The following MYH10 variants were observed in gnomAD, a reference collection of about 807,000 sequenced individuals.
The protein encoded by MYH10 is myosin heavy chain 10.
MYH10 carries 55 observed loss-of-function variants against 257.8 expected under a neutral mutation model. The observed-to-expected ratio is 0.21, with a 90% CI of 0.17 to 0.27. The LOEUF is 0.27. MYH10 is among the 10% of genes least tolerant of loss of function. The probability of loss-of-function intolerance (pLI) is 1.00; values close to 1 mark genes in which losing one functional copy is unlikely to be tolerated. For missense variants in MYH10, 1,631 were observed against 2,500.6 expected, an observed-to-expected ratio of 0.65 and a Z score of 7.42; for synonymous variants, 854 against 921.7, an observed-to-expected ratio of 0.93 and a Z score of 1.33.
chr17:8,542,555 T>C (rs1458167482), intron 13 of MYH10, among the ~76,000 whole-genome samples: 2 of 152,286 alleles, frequency 1.3e-5, no homozygotes, highest in East Asian at 3.9e-4. Flanking sequence ...AAACTTAATA[T>C]GCTAACTGAA....
chr17:8,550,207 G>A (rs946937504), intron 9 of MYH10, among the ~76,000 whole-genome samples: 55 of 149,980 alleles, frequency 3.7e-4, no homozygotes, highest in African/African-American at 1.2e-3. Context: ...AGTGAGGAGC[G>A]TCTCCACCCG....
At chr17:8,547,026 C>T (rs2082467275) in intron 11 of MYH10, among the ~76,000 whole-genome samples, 1 of 152,114 alleles carries the variant, frequency 6.6e-6, no homozygotes, top group Admixed American at 6.5e-5. Context: ...TCAACTTGGG[C>T]TGGTTCACTC....
At chr17:8,544,030 A>G (rs1003656010) in intron 13 of MYH10, among the ~76,000 whole-genome samples, 1 of 152,172 alleles carries the variant, frequency 6.6e-6, no homozygotes, top group African/African-American at 2.4e-5. Context: ...TTTTAACTTA[A>G]CAATGTATCT....
intron 21 of MYH10, among the ~76,000 whole-genome samples, chr17:8,514,310 C>A (rs1339297015): frequency 6.6e-6 from 1 of 152,158 alleles, no homozygotes; most frequent in African/African-American, 2.4e-5. Flanking sequence ...TTTGATATGT[C>A]ACAGAAGAAA....
intron 30 of MYH10, among the ~76,000 whole-genome samples, chr17:8,498,556 G>A (rs1175812195): frequency 3.9e-5 from 6 of 152,090 alleles, no homozygotes; most frequent in Non-Finnish European, 8.8e-5. Context: ...CTTTAGAAGA[G>A]GTTGCACTAG....
At chr17:8,489,746 C>T (rs1464044868) in intron 35 of MYH10, among the ~76,000 whole-genome samples, 5 of 149,560 alleles carry the variant, frequency 3.3e-5, no homozygotes, top group South Asian at 4.2e-4. Flanking sequence ...CACACACACA[C>T]CCCAAATCCA....
intron 3 of MYH10, among the ~76,000 whole-genome samples, chr17:8,592,063 G>A (rs1044796356): frequency 2.6e-5 from 4 of 152,128 alleles, no homozygotes; most frequent in African/African-American, 4.8e-5. Flanking sequence ...ATTAAAGGGG[G>A]AAAAACTCAC....
At position 8,545,367 on chromosome 17, in the gene MYH10, C is replaced by T; in HGVS notation, c.1431+81G>A. ...CTGTATCCCTGGTGCCTCGTATGTA[C>T]TGGGCACACAGTAAGCCTTCATATT... On this transcript the variant is annotated intron_variant, in intron 13 of 42. Transcript: ENST00000360416. This position sits in a 1 kb window ranked among gnomAD's most constrained non-coding sequence, Gnocchi z 4.7. 6.6e-7 allele frequency: 1 copy of T among 1,505,458 alleles called. No homozygotes were observed. Among genetic ancestry groups the T allele is most frequent in the South Asian group, 1.2e-5 (1 of 84,898 alleles). The allele number at this position is 1,505,458 out of a possible 1,614,324, so 93.3% of individuals were successfully genotyped here.
chr17:8,593,994 G>A (rs1247684514), intron 3 of MYH10, among the ~76,000 whole-genome samples: 3 of 152,162 alleles, frequency 2.0e-5, no homozygotes, highest in African/African-American at 7.2e-5. Context: ...TAGATCAAAG[G>A]AACAGAGAGT....
At position 8,535,456 on chromosome 17, in the gene MYH10, G is replaced by A. The variant is rs1214555450; in HGVS notation, c.1825C>T (p.Leu609=). The change falls in exon 16 of 43, where the codon CTG becomes TTG. Residue 609 remains leucine (L), a synonymous_variant. Coordinates refer to ENST00000360416, the MANE Select transcript of MYH10 (RefSeq NM_001256012.3). This position sits in a 1 kb window ranked among gnomAD's most constrained non-coding sequence, Gnocchi z 4.3. ...AAAAGGGTGGCCACGTTGTCATTCA[G>A]GGGGTCCATATTCTTCATCAGCCAC... ...DEWLMKNMDP[L]NDNVATLLHQ... 3.1e-6 allele frequency: 5 copies of A among 1,614,018 alleles called. No individual in the cohort carries two copies. The East Asian group carries it at 1.1e-4, about 36-fold the overall frequency.
intron 4 of MYH10, among the ~76,000 whole-genome samples, chr17:8,581,467 A>G (rs756519793): frequency 2.6e-5 from 4 of 152,074 alleles, no homozygotes; most frequent in Non-Finnish European, 5.9e-5. Flanking sequence ...ACATGCTTCA[A>G]CGTGTCCTTA....
At chr17:8,514,010 G>A (rs1370397910) in intron 21 of MYH10, 116 bp from the exon 22 acceptor site, 4 of 898,172 alleles carry the variant, frequency 4.5e-6, no homozygotes, top group Non-Finnish European at 5.1e-6. Context: ...GGGAATGATT[G>A]CATCAATCAA....
chr17:8,489,745 A>ACACACACACACACACACC (rs1258993754), intron 35 of MYH10, among the ~76,000 whole-genome samples: 69 of 150,792 alleles, frequency 4.6e-4, no homozygotes, highest in South Asian at 8.4e-4. Flanking sequence ...ACACACACAC[A>ACACACACACACACACACC]CCCCAAATCC....
At chr17:8,556,876 T>A (rs11078758) in intron 7 of MYH10, among the ~76,000 whole-genome samples, 146,901 of 152,334 alleles carry the variant, frequency 0.96, 71,067 homozygotes, top group East Asian at 1. Context: ...GCCCCTGTGC[T>A]AGGATGACAT....
At position 8,490,558 on chromosome 17, in the gene MYH10, C is replaced by G; in HGVS notation, c.4672-6G>C. ...GATTTTTCAAGTTCGTGAACCTAAA[C>G]CACCGAAGCATCAGGAAAGAGTTGA... On this transcript the variant is annotated splice_region_variant and splice_polypyrimidine_tract_variant and intron_variant, in intron 34 of 42. Coordinates refer to ENST00000360416, the MANE Select transcript of MYH10 (RefSeq NM_001256012.3). This position sits in a 1 kb window ranked among gnomAD's most constrained non-coding sequence, Gnocchi z 4.1. The G allele has an allele frequency of 6.2e-7, 1 of 1,613,740 alleles. No homozygotes were observed. Among genetic ancestry groups the G allele is most frequent in the Non-Finnish European group, 8.5e-7 (1 of 1,179,630 alleles).
chr17:8,530,689 A>C lies in MYH10; in HGVS notation c.1895-4T>G. ...GCTCTCTGAATATTCTGAATCTCTAAAGCAGAGAAACAGCAAAAACAGGAC... is the reference window on the plus strand; with the variant it reads ...GCTCTCTGAATATTCTGAATCTCTACAGCAGAGAAACAGCAAAAACAGGAC... On this transcript the variant is annotated splice_region_variant and splice_polypyrimidine_tract_variant and intron_variant, in intron 16 of 42. Coordinates refer to ENST00000360416, the MANE Select transcript of MYH10 (RefSeq NM_001256012.3). The C allele has an allele frequency of 6.5e-7, 1 of 1,547,960 alleles. No homozygotes were observed. The highest frequency in any genetic ancestry group is 8.7e-7 in the Non-Finnish European group (1 of 1,145,674).
chr17:8,492,753 G>A, intron 33 of MYH10, 23 bp downstream of exon 33: 1 of 1,609,578 alleles, frequency 6.2e-7, no homozygotes, highest in Middle Eastern at 1.7e-4. Context: ...CTGCCAGGAG[G>A]AAACGACACG....
At chr17:8,588,089 T>C (rs1451355194) in intron 4 of MYH10, among the ~76,000 whole-genome samples, 1 of 152,142 alleles carries the variant, frequency 6.6e-6, no homozygotes, top group African/African-American at 2.4e-5. Context: ...CTCATGCCCC[T>C]ATGATGGGTC....
intron 7 of MYH10, among the ~76,000 whole-genome samples, chr17:8,566,414 C>A (rs1484896541): frequency 6.6e-6 from 1 of 152,162 alleles, no homozygotes; most frequent in Non-Finnish European, 1.5e-5. Context: ...CTGTCTTTCT[C>A]TTGGATCACT....
Sources: allele counts gnomAD v4.1 joint callset (sites outside exome capture counted in the v4.1 genomes callset), GRCh38; gene constraint gnomAD v4.1.1; non-coding constraint Gnocchi (gnomAD v3.1); transcripts MANE v1.5; gene names NCBI Gene and HGNC (gene_info 2026-07-23, HGNC 2026-07-21).